Variants in TNRC6A observed in about 807,000 individuals in gnomAD.
TNRC6A encodes trinucleotide repeat-containing gene 6A protein.
TNRC6A carries 44 observed loss-of-function variants against 221.2 expected under a neutral mutation model. The ratio of observed to expected loss-of-function variants is 0.20; its 90% CI spans 0.16 to 0.26. The LOEUF (loss-of-function observed/expected upper bound fraction) is 0.26. TNRC6A is among the 10% of genes least tolerant of loss of function. The probability of loss-of-function intolerance (pLI) is 1.00; values close to 1 mark genes in which losing one functional copy is unlikely to be tolerated. For synonymous variants in TNRC6A, 847 were observed against 838.5 expected (o/e 1.01, Z -0.18); for missense variants, 2,199 against 2,404.4 (o/e 0.91, Z 1.79).
At chr16:24,625,121 A>T (rs927054874) in intron 1 of TNRC6A, among the ~76,000 whole-genome samples, 1 of 152,206 alleles carries the variant, frequency 6.6e-6, no homozygotes, top group African/African-American at 2.4e-5. Flanking sequence ...GTAGTGTGTC[A>T]ACACATTATG....
At chr16:24,702,175 CTT>C (rs1206941252) in intron 2 of TNRC6A, among the ~76,000 whole-genome samples, 83 of 22,204 alleles carry the variant, frequency 3.7e-3, no homozygotes, top group East Asian at 7.8e-3. Flanking sequence ...TTTCTTTTTT[CTT>C]TTTTCTTTTT....
chr16:24,776,204 G>A (rs757901018), intron 4 of TNRC6A: 27 of 938,010 alleles, frequency 2.9e-5, no homozygotes, highest in South Asian at 1.5e-4. Context: ...ATTTCCATCC[G>A]TTTTATTTCT....
At chr16:24,805,305 T>G (rs2151985312) in intron 14 of TNRC6A, 154 bp downstream of exon 14, 1 of 1,147,096 alleles carries the variant, frequency 8.7e-7, no homozygotes, top group East Asian at 2.5e-5. Flanking sequence ...AAGGTTGTAG[T>G]AAGGAAAAGT....
chr16:24,822,272 G>T (rs779077864), intron 23 of TNRC6A, 125 bp downstream of exon 23: 1 of 920,546 alleles, frequency 1.1e-6, no homozygotes, highest in Non-Finnish European at 1.7e-6. Flanking sequence ...AACAGCAGAG[G>T]AGTGGTCTGT....
chr16:24,702,033 T>TC (rs1208989865), intron 2 of TNRC6A, among the ~76,000 whole-genome samples: 5 of 151,762 alleles, frequency 3.3e-5, no homozygotes, highest in African/African-American at 1.2e-4. Context: ...TGCCTCCTCT[T>TC]CTATATGCAG....
chr16:24,730,557 T>G (rs1001399954), intron 2 of TNRC6A, among the ~76,000 whole-genome samples: 5 of 152,028 alleles, frequency 3.3e-5, no homozygotes, highest in Non-Finnish European at 5.9e-5. Flanking sequence ...ATTCTCACCC[T>G]TTTAGAATTT....
intron 19 of TNRC6A, 112 bp from the exon 20 acceptor site, chr16:24,816,704 T>G: frequency 1.6e-6 from 2 of 1,256,756 alleles, no homozygotes; most frequent in Non-Finnish European, 2.2e-6. Context: ...TAGTGTAAAT[T>G]GGAAAGTATT....
rs139109330 is a variant in TNRC6A, at chr16:24,685,432, G to T, written n.402+44423G>T. ...GCTCACTGCAACCTCCGCCTCCCAG[G>T]CTCAAGTGATCCTACCACCTCAGCC... On this transcript the variant is annotated intron_variant and non_coding_transcript_variant, in intron 2 of 2. Transcript: ENST00000566108. 2.0e-3 allele frequency among the ~76,000 whole-genome samples: 310 copies of T among 152,178 alleles called. 1 individual carries two copies. Among genetic ancestry groups the T allele is most frequent in the African/African-American group, 7.3e-3 (305 of 41,544 alleles).
intron 18 of TNRC6A, among the ~76,000 whole-genome samples, chr16:24,814,409 C>CTT (rs1174753134): frequency 1.2e-4 from 14 of 116,758 alleles, no homozygotes; most frequent in Admixed American, 2.5e-4. Context: ...TTTTTTTTTT[C>CTT]TTTTTTTTTT....
chr16:24,791,950 A>G (rs886970271), intron 6 of TNRC6A, 133 bp downstream of exon 6: 10 of 984,254 alleles, frequency 1.0e-5, no homozygotes, highest in Non-Finnish European at 1.3e-5. Flanking sequence ...AAAAAATTAT[A>G]GGGGTGATGT....
intron 2 of TNRC6A, among the ~76,000 whole-genome samples, chr16:24,736,622 G>T (rs2056773978): frequency 6.6e-6 from 1 of 152,156 alleles, no homozygotes. Context: ...GGTCTTGTCT[G>T]TATGATTAGG....
chr16:24,782,653 G>A (rs897197515), intron 5 of TNRC6A, among the ~76,000 whole-genome samples: 5 of 152,024 alleles, frequency 3.3e-5, no homozygotes, highest in South Asian at 2.1e-4. Context: ...TGAGGTGGGC[G>A]GATCACAAGG....
chr16:24,745,739 T>C (rs2056991958), intron 2 of TNRC6A, among the ~76,000 whole-genome samples: 1 of 150,672 alleles, frequency 6.6e-6, no homozygotes, highest in East Asian at 1.9e-4. Context: ...ACTCCTAGGC[T>C]CAGTTGATTC....
At chr16:24,786,025 G>A (rs1010534921) in intron 5 of TNRC6A, among the ~76,000 whole-genome samples, 6 of 152,250 alleles carry the variant, frequency 3.9e-5, no homozygotes, top group Non-Finnish European at 5.9e-5. Flanking sequence ...TTTTTGCCCC[G>A]TTTGGGAGGA....
chr16:24,804,928 C>T, intron 13 of TNRC6A, 77 bp downstream of exon 13: 1 of 1,613,676 alleles, frequency 6.2e-7, no homozygotes, highest in Non-Finnish European at 8.5e-7. Context: ...CATGTAGTTA[C>T]TGTGTTTAAA....
chr16:24,741,416 A>G (rs148847764), intron 2 of TNRC6A, among the ~76,000 whole-genome samples: 43 of 152,278 alleles, frequency 2.8e-4, no homozygotes, highest in African/African-American at 7.0e-4. Flanking sequence ...CCTTCATTCT[A>G]TTAACATGGT....
chr16:24,727,449 C>T (rs555115896), upstream of TNRC6A, among the ~76,000 whole-genome samples: 4 of 152,240 alleles, frequency 2.6e-5, no homozygotes, highest in African/African-American at 9.6e-5. Context: ...TCCTACGCAT[C>T]GTAGAATATT....
chr16:24,809,024 AAGCAAAAGAT>A (rs2058490249), intron 17 of TNRC6A, among the ~76,000 whole-genome samples: 1 of 152,182 alleles, frequency 6.6e-6, no homozygotes, highest in Non-Finnish European at 1.5e-5. Flanking sequence ...TAGAATTTGC[AAGCAAAAGAT>A]AGCAACTGAA....
At chr16:24,711,550 A>G (rs1458972656) in intron 2 of TNRC6A, among the ~76,000 whole-genome samples, 2 of 152,072 alleles carry the variant, frequency 1.3e-5, no homozygotes, top group Non-Finnish European at 2.9e-5. Context: ...AATAATTTGC[A>G]TTTTCTAGAC....
Sources: gnomAD v4.1 joint callset for allele counts (sites outside exome capture counted in the v4.1 genomes callset) on GRCh38, gnomAD v4.1.1 for gene constraint, MANE v1.5 for transcripts, NCBI Gene and HGNC (gene_info 2026-07-23, HGNC 2026-07-21) for gene names.